Variants in LRMDA observed in about 807,000 individuals in gnomAD.
LRMDA encodes leucine-rich melanocyte differentiation-associated protein.
A neutral mutation model predicts 29.8 loss-of-function variants in LRMDA; 18 were observed. The ratio of observed to expected loss-of-function variants is 0.60; its 90% CI spans 0.42 to 0.90. The LOEUF is 0.90. LRMDA is among the 40% of genes least tolerant of loss of function. The pLI is 0.00. For synonymous variants in LRMDA, 125 were observed against 109.4 expected (o/e 1.14, Z -0.89); for missense variants, 273 against 273.9 (o/e 1.00, Z 0.02).
intron 6 of LRMDA, among the ~76,000 whole-genome samples, chr10:76,492,903 G>C (rs2132336996): frequency 6.6e-6 from 1 of 152,096 alleles, no homozygotes; most frequent in Middle Eastern, 3.4e-3. Context: ...GTCCTGCCTT[G>C]ACATGTGGGA....
At chr10:76,171,766 T>C (rs1175948338) in intron 5 of LRMDA, among the ~76,000 whole-genome samples, 1 of 152,162 alleles carries the variant, frequency 6.6e-6, no homozygotes, top group Non-Finnish European at 1.5e-5. Flanking sequence ...AGCCATGATA[T>C]AATGACAAAG....
intron 2 of LRMDA, among the ~76,000 whole-genome samples, chr10:75,539,445 CA>C (rs201694856): frequency 0.014 from 2,123 of 152,222 alleles, 28 homozygotes; most frequent in Non-Finnish European, 0.025. Flanking sequence ...CATTTTATTT[CA>C]TCTGTTGTTT....
rs3998129 is a variant in LRMDA, at chr10:76,188,935, T to TACACACACACACAC, written c.516+130174_516+130187dup. ...ATGCCTCTAGGCGAATGATTGCATG[T>TACACACACACACAC]ACACACACACACACACACACACACA... On this transcript the variant is annotated intron_variant, in intron 5 of 6. Coordinates refer to ENST00000611255, the MANE Select transcript of LRMDA (RefSeq NM_001305581.2). Among the ~76,000 whole-genome samples the TACACACACACACAC allele has an allele frequency of 6.1e-3, 860 of 141,696 alleles. 8 individuals carry two copies. Among genetic ancestry groups the TACACACACACACAC allele is most frequent in the African/African-American group, 0.02 (810 of 39,806 alleles). 93.0% of individuals were successfully genotyped at this position (141,696 alleles called of 152,430 possible). A position where few individuals can be genotyped will look rare whatever the true frequency, so the allele number is the denominator to read the frequency against.
At chr10:76,129,934 C>T (rs1849956200) in intron 5 of LRMDA, among the ~76,000 whole-genome samples, 1 of 152,150 alleles carries the variant, frequency 6.6e-6, no homozygotes, top group South Asian at 2.1e-4. Flanking sequence ...CTTAACCTCT[C>T]TGATTTCAGT....
intron 5 of LRMDA, among the ~76,000 whole-genome samples, chr10:76,316,040 G>T (rs1408564475): frequency 6.6e-6 from 1 of 152,132 alleles, no homozygotes; most frequent in Non-Finnish European, 1.5e-5. Context: ...CTTCCTGGAT[G>T]CAGGACAGGA....
chr10:76,339,161 CA>C (rs1171972775), intron 6 of LRMDA, among the ~76,000 whole-genome samples: 1 of 151,368 alleles, frequency 6.6e-6, no homozygotes, highest in Non-Finnish European at 1.5e-5. Flanking sequence ...CTCATATCCA[CA>C]AACTGGCTCA....
chr10:76,478,447 T>C (rs983775842), intron 6 of LRMDA, among the ~76,000 whole-genome samples: 3 of 152,172 alleles, frequency 2.0e-5, no homozygotes, highest in African/African-American at 7.2e-5. Context: ...ACACTGTTGA[T>C]GGGACTGTAA....
intron 2 of LRMDA, among the ~76,000 whole-genome samples, chr10:75,472,593 G>A (rs1328285931): frequency 6.6e-6 from 1 of 152,192 alleles, no homozygotes; most frequent in Non-Finnish European, 1.5e-5. Context: ...CTCATTCAAT[G>A]GTTATTGAGT....
chr10:76,436,608 CTA>C (rs1842247060), intron 6 of LRMDA, among the ~76,000 whole-genome samples: 1 of 152,326 alleles, frequency 6.6e-6, no homozygotes, highest in South Asian at 2.1e-4. Context: ...CTACAGGTTC[CTA>C]TGCGGAGAGC....
intron 2 of LRMDA, among the ~76,000 whole-genome samples, chr10:75,993,042 A>T (rs542670403): frequency 6.6e-6 from 1 of 152,306 alleles, no homozygotes; most frequent in Admixed American, 6.5e-5. Context: ...TACAACTTTT[A>T]TTGGAGCTGG....
intron 5 of LRMDA, among the ~76,000 whole-genome samples, chr10:76,295,920 A>C (rs976982882): frequency 3.3e-5 from 5 of 152,102 alleles, no homozygotes; most frequent in Non-Finnish European, 7.4e-5. Flanking sequence ...GGACTGATAC[A>C]TCTTTGGAAT....
chr10:76,429,224 G>A (rs543632574), intron 6 of LRMDA, among the ~76,000 whole-genome samples: 68 of 151,978 alleles, frequency 4.5e-4, no homozygotes, highest in African/African-American at 1.5e-3. Flanking sequence ...AAAAACTCAT[G>A]ATGTCATGGA....
intron 2 of LRMDA, among the ~76,000 whole-genome samples, chr10:75,603,088 T>C: frequency 6.6e-6 from 1 of 152,200 alleles, no homozygotes; most frequent in East Asian, 1.9e-4. Context: ...AGCTTTCTAC[T>C]AAAGAGGGCC....
intron 2 of LRMDA, among the ~76,000 whole-genome samples, chr10:75,563,874 T>G (rs1270957293): frequency 6.6e-6 from 1 of 151,524 alleles, no homozygotes. Context: ...TGCTGCTGTC[T>G]GATCGTTCCT....
Position 75,456,266 on chromosome 10 carries a change from C to T in LRMDA, c.131+17772C>T, listed in dbSNP as rs762548712. Among the ~76,000 whole-genome samples, 36 of 152,360 alleles carry T rather than the reference C, an allele frequency of 2.4e-4. 1 individual carries two copies. The highest frequency in any genetic ancestry group is 6.5e-4 in the Admixed American group (10 of 15,310). ...GGCAATTACGCTGTTAGAAGGGTCA[C>T]GGTTAATGCAGTTCTTCCAAGACTC... On this transcript the variant is annotated intron_variant, in intron 2 of 6. Coordinates refer to ENST00000611255, the MANE Select transcript of LRMDA (RefSeq NM_001305581.2).
At chr10:75,789,738 T>C (rs1054569306) in intron 2 of LRMDA, among the ~76,000 whole-genome samples, 1 of 152,252 alleles carries the variant, frequency 6.6e-6, no homozygotes, top group East Asian at 1.9e-4. Context: ...TTATTTATCA[T>C]GAACATGCAA....
intron 2 of LRMDA, among the ~76,000 whole-genome samples, chr10:75,470,528 G>A (rs138390896): frequency 3.3e-5 from 5 of 152,324 alleles, no homozygotes; most frequent in East Asian, 1.9e-4. Context: ...GCCGAAGGAC[G>A]GAAATGCGTT....
chr10:76,122,303 T>C (rs114202459), intron 5 of LRMDA, among the ~76,000 whole-genome samples: 3,022 of 151,928 alleles, frequency 0.02, 89 homozygotes, highest in African/African-American at 0.068. Flanking sequence ...TGTCTCCTGC[T>C]TGGGCTGTGT....
intron 5 of LRMDA, among the ~76,000 whole-genome samples, chr10:76,124,025 G>A (rs1371590355): frequency 1.3e-5 from 2 of 152,062 alleles, no homozygotes; most frequent in African/African-American, 4.8e-5. Context: ...TGAAACTTTT[G>A]TTAATCTTGC....
Sources: gnomAD v4.1 joint callset for allele counts (sites outside exome capture counted in the v4.1 genomes callset) on GRCh38, gnomAD v4.1.1 for gene constraint, MANE v1.5 for transcripts, NCBI Gene and HGNC (gene_info 2026-07-23, HGNC 2026-07-21) for gene names.